Variants in CFAP47 observed in about 807,000 individuals in gnomAD.
CFAP47 encodes cilia- and flagella-associated protein 47.
A neutral mutation model predicts 148.1 loss-of-function variants in CFAP47; 29 were observed. That is an observed-to-expected ratio of 0.20 (90% confidence interval 0.15 to 0.27). The LOEUF (loss-of-function observed/expected upper bound fraction) is 0.27, where lower values mean the gene tolerates loss of function less well. Among genes scored for constraint, CFAP47 ranks in the 10% least tolerant of loss-of-function variants. CFAP47 has a pLI of 1.00. For missense variants in CFAP47, 1,872 were observed against 1,697.5 expected (o/e 1.10, Z -1.81); for synonymous variants, 664 against 577.3 (o/e 1.15, Z -2.15).
chrX:36,240,682 G>C (rs1555995852), intron 48 of CFAP47, among the ~76,000 whole-genome samples: 1 of 110,459 alleles, frequency 9.1e-6, no homozygotes, highest in Admixed American at 9.7e-5. Context: ...CTACAGAAGA[G>C]AAATATAATG....
At chrX:36,145,747 C>G (rs749358333) in intron 36 of CFAP47, among the ~76,000 whole-genome samples, 2 of 110,786 alleles carry the variant, frequency 1.8e-5, no homozygotes, top group East Asian at 2.9e-4. Flanking sequence ...ATGCAAAACT[C>G]ATCCATATGT....
At chrX:36,097,822 T>C (rs1938304200) in intron 30 of CFAP47, among the ~76,000 whole-genome samples, 1 of 111,159 alleles carries the variant, frequency 9.0e-6, no homozygotes, top group Non-Finnish European at 1.9e-5. Flanking sequence ...ATATTGGATA[T>C]TTGGATATTG....
At chrX:36,101,416 T>C (rs1345516571) in intron 32 of CFAP47, among the ~76,000 whole-genome samples, 2 of 112,055 alleles carry the variant, frequency 1.8e-5, no homozygotes, top group Admixed American at 1.9e-4. Context: ...AAGTGGAATA[T>C]GGTGGGCAAG....
At chrX:35,942,028 CTGTGTGTGTG>C (rs59083788) in intron 3 of CFAP47, among the ~76,000 whole-genome samples, 4 of 103,826 alleles carry the variant, frequency 3.9e-5, no homozygotes, top group African/African-American at 1.4e-4. Context: ...GTGTGTGTGT[CTGTGTGTGTG>C]TGTGTGTGTG....
intron 60 of CFAP47, among the ~76,000 whole-genome samples, chrX:36,356,630 G>T (rs1465292030): frequency 2.7e-5 from 3 of 110,638 alleles, no homozygotes; most frequent in African/African-American, 9.9e-5. Flanking sequence ...TACTACTTTA[G>T]TCTTTAGTAT....
At chrX:36,334,540 C>G (rs1941589406) in intron 57 of CFAP47, among the ~76,000 whole-genome samples, 2 of 110,793 alleles carry the variant, frequency 1.8e-5, no homozygotes. Flanking sequence ...TTTTATGTCT[C>G]TCCTTTATAT....
At chrX:36,264,226 G>T (rs782217504) in intron 49 of CFAP47, among the ~76,000 whole-genome samples, 1 of 111,656 alleles carries the variant, frequency 9.0e-6, no homozygotes, top group Non-Finnish European at 1.9e-5. Flanking sequence ...GCAGCCTGGG[G>T]TTAGGACTTC....
chrX:35,950,466 A>G (rs1936146948), intron 4 of CFAP47, among the ~76,000 whole-genome samples: 1 of 111,555 alleles, frequency 9.0e-6, no homozygotes, highest in South Asian at 3.7e-4. Context: ...CCCATGCTCC[A>G]GCAATTCCCC....
intron 1 of CFAP47, among the ~76,000 whole-genome samples, chrX:35,922,827 G>C (rs1935598572): frequency 8.9e-6 from 1 of 112,129 alleles, no homozygotes; most frequent in African/African-American, 3.2e-5. Context: ...GTTTCTGATT[G>C]AGGACTCTTG....
At chrX:36,314,571 T>A (rs1941418422) in intron 56 of CFAP47, among the ~76,000 whole-genome samples, 1 of 111,862 alleles carries the variant, frequency 8.9e-6, no homozygotes, top group Admixed American at 9.6e-5. Context: ...TGTTTACAGT[T>A]CCATATAGCT....
chrX:35,967,939 A>C (rs745906487), intron 10 of CFAP47, 107 bp downstream of exon 10: 54 of 280,458 alleles, frequency 1.9e-4, no homozygotes, highest in African/African-American at 1.2e-3. Flanking sequence ...TTACAATAAT[A>C]ATAATAATAA....
chrX:36,000,724 A>G (rs1363922448), intron 20 of CFAP47, among the ~76,000 whole-genome samples: 2 of 112,050 alleles, frequency 1.8e-5, no homozygotes, highest in Admixed American at 9.5e-5. Context: ...ACATAAAATT[A>G]TGAATCGCTT....
chrX:35,920,977 A>G (rs1935568561), intron 1 of CFAP47, among the ~76,000 whole-genome samples: 1 of 112,109 alleles, frequency 8.9e-6, no homozygotes, highest in Non-Finnish European at 1.9e-5. Context: ...CCATGTTCTA[A>G]TTTTTGCTCT....
At position 36,039,001 on chromosome X, in the gene CFAP47, A is replaced by C. The variant is rs1409199433; in HGVS notation, c.3829A>C (p.Thr1277Pro). The change falls in exon 25 of 64, where the codon ACA becomes CCA. Residue 1277 changes from threonine (T) to proline (P), a missense_variant. Transcript: ENST00000378653. ...TTCATTAGATCGTCCTGGGACATAC[A>C]CAGCAGATATTCCTATGCTTTTAAA... ...SFCPNRPGTY[T>P]ADIPMLLNYI... The C allele has an allele frequency of 9.0e-7, 1 of 1,112,164 alleles. No individual in the cohort carries two copies. The highest frequency in any genetic ancestry group is 1.2e-6 in the Non-Finnish European group (1 of 836,427). The allele number at this position is 1,112,164 out of a possible 1,213,427, so 91.7% of individuals were successfully genotyped here.
intron 30 of CFAP47, among the ~76,000 whole-genome samples, chrX:36,090,824 A>AG (rs397749971): frequency 1.4e-5 from 1 of 72,158 alleles, no homozygotes; most frequent in African/African-American, 1.7e-4. Flanking sequence ...TCTACTCTGC[A>AG]TAAATGAGCA....
At position 35,926,229 on chromosome X, in the gene CFAP47, C is replaced by G. The variant is rs375173002; in HGVS notation, c.401+61C>G. On this transcript the variant is annotated intron_variant, in intron 2 of 63. Coordinates refer to ENST00000378653, the MANE Select transcript of CFAP47 (RefSeq NM_001304548.2). ...ATACTCTTTAAATAAAAATGAGGGT[C>G]AAAGTAATATTTTGTATTTTTTCTG... 3.4e-4 allele frequency: 318 copies of G among 930,496 alleles called. 1 individual carries two copies. In the East Asian group the frequency reaches 7.3e-3, roughly 22 times the overall value. 76.7% of individuals were successfully genotyped at this position (930,496 alleles called of 1,213,427 possible).
At chrX:36,342,653 C>T (rs950112743) in intron 57 of CFAP47, among the ~76,000 whole-genome samples, 25 of 111,667 alleles carry the variant, frequency 2.2e-4, no homozygotes, top group South Asian at 3.7e-4. Flanking sequence ...CATATTAAAA[C>T]ATCAATAACA....
chrX:36,260,095 A>G lies in CFAP47; in HGVS notation c.7444+8651A>G, dbSNP rs6629061. Reference sequence around the variant, plus strand: ...TTCCATGGTGTGTGTGTGTGTGTGTATGTTTGTGTAACATTTTCTTTATTC... The same window carrying G: ...TTCCATGGTGTGTGTGTGTGTGTGTGTGTTTGTGTAACATTTTCTTTATTC... On this transcript the variant is annotated intron_variant, in intron 49 of 63. Transcript: ENST00000378653. Among the ~76,000 whole-genome samples, 788 of 60,095 alleles carry G rather than the reference A, an allele frequency of 0.013. 7 individuals carry two copies. The African/African-American group carries it at 0.15, about 12-fold the overall frequency. 52.2% of individuals were successfully genotyped at this position (60,095 alleles called of 115,157 possible). A position where few individuals can be genotyped will look rare whatever the true frequency, so the allele number is the denominator to read the frequency against.
chrX:36,157,684 G>T (rs1205869590), intron 37 of CFAP47, among the ~76,000 whole-genome samples: 1 of 106,335 alleles, frequency 9.4e-6, no homozygotes. Context: ...GAATAGTGGT[G>T]TTTTTTTTTT....
Sources: gnomAD v4.1 joint callset for allele counts (sites outside exome capture counted in the v4.1 genomes callset) on GRCh38, gnomAD v4.1.1 for gene constraint, MANE v1.5 for transcripts, NCBI Gene and HGNC (gene_info 2026-07-23, HGNC 2026-07-21) for gene names.